Variants in BAZ2B observed in about 807,000 individuals in gnomAD.
The protein encoded by BAZ2B is bromodomain adjacent to zinc finger domain protein 2B.
BAZ2B carries 91 observed loss-of-function variants against 246.0 expected under a neutral mutation model. The ratio of observed to expected loss-of-function variants is 0.37; its 90% CI spans 0.31 to 0.44. The LOEUF (loss-of-function observed/expected upper bound fraction) is 0.44, where lower values mean the gene tolerates loss of function less well. Ranked by LOEUF, BAZ2B falls within the 20% of genes least tolerant of loss-of-function variation. BAZ2B has a pLI of 1.00. For missense variants in BAZ2B, 2,332 were observed against 2,533.7 expected (o/e 0.92, Z 1.71); for synonymous variants, 855 against 860.0 (o/e 0.99, Z 0.10).
At chr2:159,431,342 A>G (rs1362853916) in intron 9 of BAZ2B, among the ~76,000 whole-genome samples, 186 bp from the exon 10 acceptor site, 2 of 152,234 alleles carry the variant, frequency 1.3e-5, no homozygotes, top group Admixed American at 6.5e-5. Flanking sequence ...ATCTTCAAAA[A>G]CAATTTTTTA....
At chr2:159,698,515 C>CAAAAAAAAAAA in the BAZ2B span, among the ~76,000 whole-genome samples, 3 of 130,510 alleles carry the variant, frequency 2.3e-5, no homozygotes, top group African/African-American at 6.0e-5. Flanking sequence ...CACCATCCCA[C>CAAAAAAAAAAA]AAAAAAAAAA....
intron 2 of BAZ2B, among the ~76,000 whole-genome samples, chr2:159,538,623 G>C (rs1265716721): frequency 1.3e-5 from 2 of 152,128 alleles, no homozygotes; most frequent in Non-Finnish European, 2.9e-5. Flanking sequence ...TCTATACCTA[G>C]GGTTTTGAAT....
chr2:159,386,341 G>GTT lies in BAZ2B; in HGVS notation c.3471+10_3471+11dup. ...ACAAATTTAAAACATTTTATATTTT[G>GTT]TTTTTTTTTACCTTGTATCCTGTTA... On this transcript the variant is annotated intron_variant, in intron 22 of 36. Coordinates refer to ENST00000392783, the MANE Select transcript of BAZ2B (RefSeq NM_013450.4). 1.3e-6 allele frequency: 2 copies of GTT among 1,579,378 alleles called. No individual in the cohort carries two copies. Among genetic ancestry groups the GTT allele is most frequent in the Non-Finnish European group, 1.7e-6 (2 of 1,160,074 alleles).
At chr2:159,489,088 A>G (rs1192879793) in intron 2 of BAZ2B, among the ~76,000 whole-genome samples, 2 of 152,188 alleles carry the variant, frequency 1.3e-5, no homozygotes, top group Non-Finnish European at 2.9e-5. Flanking sequence ...TTTTCCCCTA[A>G]TAATGAAGAG....
At chr2:159,619,892 C>T (rs1363504289), upstream of BAZ2B, among the ~76,000 whole-genome samples, 1 of 152,096 alleles carries the variant, frequency 6.6e-6, no homozygotes, top group African/African-American at 2.4e-5. Flanking sequence ...AACAGGACTT[C>T]GTCTTCTACC....
the BAZ2B span, among the ~76,000 whole-genome samples, chr2:159,621,594 G>C: frequency 6.6e-6 from 1 of 152,132 alleles, no homozygotes; most frequent in Non-Finnish European, 1.5e-5. Flanking sequence ...AGGAAAATGA[G>C]AAATTGACCC....
At chr2:159,563,889 C>T (rs1323096875) in intron 1 of BAZ2B, among the ~76,000 whole-genome samples, 3 of 152,184 alleles carry the variant, frequency 2.0e-5, no homozygotes, top group Admixed American at 6.5e-5. Flanking sequence ...TTAACATTCT[C>T]TGATTCACTC....
intron 1 of BAZ2B, among the ~76,000 whole-genome samples, chr2:159,571,638 C>G (rs1282531988): frequency 6.6e-6 from 1 of 152,126 alleles, no homozygotes; most frequent in Non-Finnish European, 1.5e-5. Context: ...TTGTCTTAGT[C>G]CCTATTCTGC....
At chr2:159,338,693 C>A (rs2066083497) in intron 31 of BAZ2B, among the ~76,000 whole-genome samples, 2 of 152,162 alleles carry the variant, frequency 1.3e-5, no homozygotes, top group South Asian at 4.1e-4. Context: ...TTTGCTCTTC[C>A]ACAAACATGA....
the BAZ2B span, among the ~76,000 whole-genome samples, chr2:159,680,340 C>T: frequency 6.6e-6 from 1 of 152,152 alleles, no homozygotes; most frequent in East Asian, 1.9e-4. Flanking sequence ...TAAGTCTGTG[C>T]TTTTATGTCT....
chr2:159,404,675 A>G lies in BAZ2B; in HGVS notation c.2832+174T>C, dbSNP rs1227026697. On this transcript the variant is annotated intron_variant, in intron 16 of 36. Coordinates refer to ENST00000392783, the MANE Select transcript of BAZ2B (RefSeq NM_013450.4). ...ATTTCTTTAAACACTTGGAAGTAGA[A>G]GACTTTATTAAAAAGGTAAAATTTT... 7 of 562,532 alleles carry G rather than the reference A, an allele frequency of 1.2e-5. No individual in the cohort carries two copies. The South Asian group carries it at 2.1e-4, about 17-fold the overall frequency. 34.8% of individuals were successfully genotyped at this position (562,532 alleles called of 1,614,324 possible).
At chr2:159,464,005 A>C (rs887015403) in intron 3 of BAZ2B, 1 of 151,916 alleles carries the variant, frequency 6.6e-6, no homozygotes, top group African/African-American at 2.4e-5. Flanking sequence ...CGCCCAGCCT[A>C]TTTTTATTTT....
At position 159,439,283 on chromosome 2, in the gene BAZ2B, T is replaced by C. The variant is rs748966698; in HGVS notation, c.697-71A>G. 382 of 1,266,110 alleles carry C rather than the reference T, an allele frequency of 3.0e-4. 1 individual carries two copies. The highest frequency in any genetic ancestry group is 4.0e-4 in the Non-Finnish European group (358 of 903,478). 78.4% of individuals were successfully genotyped at this position (1,266,110 alleles called of 1,614,324 possible). A position where few individuals can be genotyped will look rare whatever the true frequency, so the allele number is the denominator to read the frequency against. On this transcript the variant is annotated intron_variant, in intron 6 of 36. Coordinates refer to ENST00000392783, the MANE Select transcript of BAZ2B (RefSeq NM_013450.4). ...ATTCAAGTTTCAATAAAAGGTGTAC[T>C]CTTTTTAATTTTCAAATGATATTTT...
At chr2:159,505,874 T>C (rs533314252) in intron 2 of BAZ2B, among the ~76,000 whole-genome samples, 2 of 152,290 alleles carry the variant, frequency 1.3e-5, no homozygotes, top group East Asian at 1.9e-4. Flanking sequence ...TGAAAAATAA[T>C]TGGCTTTACT....
At chr2:159,353,171 T>TA (rs1280591912) in intron 27 of BAZ2B, among the ~76,000 whole-genome samples, 9 of 152,238 alleles carry the variant, frequency 5.9e-5, no homozygotes, top group African/African-American at 2.2e-4. Context: ...CAGTCCTTTA[T>TA]TAATGTTTGA....
intron 27 of BAZ2B, among the ~76,000 whole-genome samples, chr2:159,370,087 G>A (rs535924619): frequency 3.3e-5 from 5 of 152,090 alleles, no homozygotes; most frequent in Admixed American, 1.3e-4. Context: ...ACCAAACACC[G>A]CATGTTCTCT....
At chr2:159,631,057 A>G in the BAZ2B span, among the ~76,000 whole-genome samples, 10 of 152,158 alleles carry the variant, frequency 6.6e-5, no homozygotes, top group African/African-American at 2.2e-4. Context: ...TTACCCGGGC[A>G]TGGTGGTACA....
At chr2:159,643,013 A>C in the BAZ2B span, among the ~76,000 whole-genome samples, 8 of 152,220 alleles carry the variant, frequency 5.3e-5, no homozygotes, top group African/African-American at 1.7e-4. Context: ...TAAGTTCCTG[A>C]CTTAATATCT....
intron 2 of BAZ2B, among the ~76,000 whole-genome samples, chr2:159,489,259 C>G (rs2080181896): frequency 6.6e-6 from 1 of 151,734 alleles, no homozygotes; most frequent in South Asian, 2.1e-4. Flanking sequence ...GAACTGACAA[C>G]AGTAATCTGA....
Sources: allele counts gnomAD v4.1 joint callset (sites outside exome capture counted in the v4.1 genomes callset), GRCh38; gene constraint gnomAD v4.1.1; transcripts MANE v1.5; gene names NCBI Gene and HGNC (gene_info 2026-07-23, HGNC 2026-07-21).